OXR1: variants seen among roughly 807,000 people sequenced by gnomAD.
The protein encoded by OXR1 is oxidation resistance protein 1.
In OXR1, 41 loss-of-function variants were observed where a neutral mutation model predicts 104.6. That is an observed-to-expected ratio of 0.39 (90% CI 0.31 to 0.51). OXR1 has a LOEUF of 0.51. Among genes scored for constraint, OXR1 ranks in the 20% least tolerant of loss-of-function variants. The pLI is 0.77. For synonymous variants in OXR1, 348 were observed against 348.4 expected (o/e 1.00, Z 0.01); for missense variants, 955 against 1,031.9 (o/e 0.93, Z 1.02).
intron 6 of OXR1, among the ~76,000 whole-genome samples, chr8:106,690,770 T>C (rs1272103768): frequency 6.6e-5 from 10 of 152,068 alleles, no homozygotes; most frequent in Middle Eastern, 3.4e-3. Context: ...ATATATTGGA[T>C]TGAAAGAAAA....
intron 2 of OXR1, among the ~76,000 whole-genome samples, chr8:106,397,309 G>T (rs565809187): frequency 2.2e-4 from 34 of 152,164 alleles, no homozygotes; most frequent in Middle Eastern, 3.4e-3. Flanking sequence ...TAGGAAGGTG[G>T]GGTAAGGCTG....
At chr8:106,336,317 T>C (rs1814963171) in intron 1 of OXR1, among the ~76,000 whole-genome samples, 1 of 152,154 alleles carries the variant, frequency 6.6e-6, no homozygotes, top group Non-Finnish European at 1.5e-5. Context: ...CATTGTGTGG[T>C]TTAGGGAAAG....
At chr8:106,334,459 C>G (rs1007058693) in intron 1 of OXR1, among the ~76,000 whole-genome samples, 1 of 152,114 alleles carries the variant, frequency 6.6e-6, no homozygotes, top group Non-Finnish European at 1.5e-5. Context: ...TGACTAGAGC[C>G]TCCAGAATAG....
chr8:106,368,774 A>G (rs1197681908), intron 2 of OXR1, among the ~76,000 whole-genome samples: 1 of 152,120 alleles, frequency 6.6e-6, no homozygotes, highest in Admixed American at 6.5e-5. Context: ...GTGTATATGT[A>G]CCATGATTTC....
chr8:106,721,925 C>G (rs971527632), intron 11 of OXR1, among the ~76,000 whole-genome samples: 1 of 152,268 alleles, frequency 6.6e-6, no homozygotes, highest in East Asian at 1.9e-4. Flanking sequence ...CTTGTGGAGC[C>G]AGTTCTGTTT....
In OXR1 at chr8:106,740,496, G is replaced by T; in HGVS notation, c.2316+1G>T. 6.2e-7 allele frequency: 1 copy of T among 1,606,944 alleles called. No homozygotes were observed. Among genetic ancestry groups the T allele is most frequent in the Non-Finnish European group, 8.5e-7 (1 of 1,176,500 alleles). ...GGTGATTAAAGACAGTGATGGACAGGTATGAAACACCAACTGCATAGATTG... is the reference window on the plus strand; with the variant it reads ...GGTGATTAAAGACAGTGATGGACAGTTATGAAACACCAACTGCATAGATTG... On this transcript the variant is annotated splice_donor_variant, in intron 14 of 16. Coordinates refer to ENST00000517566, the MANE Select transcript of OXR1 (RefSeq NM_001198533.2). LOFTEE classifies it high-confidence loss of function.
chr8:106,327,352 T>C (rs1022556361), intron 1 of OXR1, among the ~76,000 whole-genome samples: 3 of 152,212 alleles, frequency 2.0e-5, no homozygotes, highest in Non-Finnish European at 4.4e-5. Flanking sequence ...ATTTCATGCT[T>C]TTAAATGTTA....
intron 2 of OXR1, among the ~76,000 whole-genome samples, chr8:106,420,289 T>C (rs1359841094): frequency 6.6e-6 from 1 of 152,028 alleles, no homozygotes; most frequent in African/African-American, 2.4e-5. Context: ...TTATTTTTAG[T>C]TGGAAGTACT....
chr8:106,403,804 C>T (rs563139287), intron 2 of OXR1, among the ~76,000 whole-genome samples: 1 of 152,288 alleles, frequency 6.6e-6, no homozygotes, highest in African/African-American at 2.4e-5. Flanking sequence ...AGTATCCATT[C>T]CCACACATGT....
intron 4 of OXR1, among the ~76,000 whole-genome samples, chr8:106,682,974 A>T (rs552535213): frequency 6.6e-6 from 1 of 152,166 alleles, no homozygotes; most frequent in South Asian, 2.1e-4. Context: ...TGAAGTAGAG[A>T]CCTACATGTA....
At chr8:106,459,239 G>A (rs937460612) in intron 2 of OXR1, among the ~76,000 whole-genome samples, 13 of 152,054 alleles carry the variant, frequency 8.5e-5, no homozygotes, top group African/African-American at 3.1e-4. Flanking sequence ...AATTAATGCT[G>A]TTATTGGGGA....
At chr8:106,563,583 GAC>G (rs1816852971) in intron 3 of OXR1, among the ~76,000 whole-genome samples, 1 of 152,146 alleles carries the variant, frequency 6.6e-6, no homozygotes, top group Non-Finnish European at 1.5e-5. Context: ...AGAACAATAA[GAC>G]AGAAAATTAG....
At chr8:106,739,606 C>T in intron 13 of OXR1, 23 bp downstream of exon 13, 2 of 1,609,778 alleles carry the variant, frequency 1.2e-6, no homozygotes, top group Non-Finnish European at 1.7e-6. Flanking sequence ...CACATATGTG[C>T]ATTTCTGAGT....
At chr8:106,298,742 GA>G (rs33933805) in intron 1 of OXR1, among the ~76,000 whole-genome samples, 37,584 of 147,700 alleles carry the variant, frequency 0.25, 5,858 homozygotes, top group East Asian at 0.56. Flanking sequence ...CTTTCTGGAG[GA>G]AAAAAAACAA....
chr8:106,633,533 C>G (rs1563657059), intron 3 of OXR1, among the ~76,000 whole-genome samples: 1 of 152,122 alleles, frequency 6.6e-6, no homozygotes, highest in Non-Finnish European at 1.5e-5. Context: ...CTGAAAAACT[C>G]AAGCCCAAAA....
chr8:106,587,519 A>C (rs144484586), intron 3 of OXR1, among the ~76,000 whole-genome samples: 141 of 152,346 alleles, frequency 9.3e-4, no homozygotes, highest in African/African-American at 3.2e-3. Context: ...TTGAAAATAC[A>C]AAGACATCTT....
chr8:106,358,064 G>A (rs1185767632), intron 1 of OXR1, among the ~76,000 whole-genome samples: 1 of 152,188 alleles, frequency 6.6e-6, no homozygotes. Flanking sequence ...AATGTAGGCA[G>A]AAATGTCATG....
intron 2 of OXR1, chr8:106,447,912 G>A: frequency 3.3e-6 from 5 of 1,520,876 alleles, no homozygotes; most frequent in Non-Finnish European, 4.4e-6. Flanking sequence ...GGCGGAGGTA[G>A]TGGGTGGAGC....
chr8:106,603,964 A>G (rs1438066463), intron 3 of OXR1, among the ~76,000 whole-genome samples: 2 of 152,116 alleles, frequency 1.3e-5, no homozygotes, highest in East Asian at 3.9e-4. Flanking sequence ...GAGGCAGGAG[A>G]CTCGCTTAAA....
Sources: allele counts gnomAD v4.1 joint callset (sites outside exome capture counted in the v4.1 genomes callset), GRCh38; gene constraint gnomAD v4.1.1; transcripts MANE v1.5; gene names NCBI Gene and HGNC (gene_info 2026-07-23, HGNC 2026-07-21).